Variants in LRRK2 observed in about 807,000 individuals in gnomAD.
LRRK2 encodes the protein leucine-rich repeat serine/threonine-protein kinase 2.
In LRRK2, 203 loss-of-function variants were observed where a neutral mutation model predicts 302.6. That is an observed-to-expected ratio of 0.67 (90% confidence interval 0.60 to 0.75). The LOEUF is 0.75. Among genes scored for constraint, LRRK2 ranks in the 30% least tolerant of loss-of-function variants. LRRK2 has a pLI of 0.00. For synonymous variants in LRRK2, 1,066 were observed against 1,031.9 expected, an observed-to-expected ratio of 1.03 and a Z score of -0.63; for missense variants, 2,830 against 2,951.0, an observed-to-expected ratio of 0.96 and a Z score of 0.95.
At chr12:40,364,567 A>T (rs1946819527) in intron 48 of LRRK2, among the ~76,000 whole-genome samples, 1 of 151,312 alleles carries the variant, frequency 6.6e-6, no homozygotes, top group South Asian at 2.1e-4. Flanking sequence ...ACTGAATTAG[A>T]TAGCTTTGGT....
At chr12:40,236,594 C>A (rs540007967) in intron 4 of LRRK2, among the ~76,000 whole-genome samples, 16 of 152,128 alleles carry the variant, frequency 1.1e-4, no homozygotes, top group African/African-American at 3.6e-4. Context: ...TAGGGGAGGG[C>A]TTTTTAGGTT....
rs1592280003 is a variant in LRRK2 at position 40,317,517 on chromosome 12, G to C, written c.4827+2217G>C. Among the ~76,000 whole-genome samples, 5 of 152,184 alleles carry C rather than the reference G, an allele frequency of 3.3e-5. No individual in the cohort carries two copies. In the East Asian group the frequency reaches 9.7e-4, roughly 29 times the overall value. On this transcript the variant is annotated intron_variant, in intron 33 of 50. Transcript: ENST00000298910. ...CCACCCACTCTATGCGCCCCGAGCT[G>C]TTAGGTCACTAAACTTATTAAAAAA...
In LRRK2 at chr12:40,351,690, A is replaced by G; in HGVS notation, c.6533A>G (p.Gln2178Arg). ...GGCTGTGGGCACACCGACAGAGGAC[A>G]GCTCTCATTTCTTGACTTAAATACT... ...WLGCGHTDRG[Q>R]LSFLDLNTEG... Residue 2178 changes from glutamine (Q) to arginine (R), a missense_variant, in exon 44 of 51, where the codon CAG becomes CGG. Physicochemically the swap from Gln to Arg is conservative, Grantham distance 43 (BLOSUM62 1). Coordinates refer to ENST00000298910, the MANE Select transcript of LRRK2 (RefSeq NM_198578.4). 6.2e-7 allele frequency: 1 copy of G among 1,614,256 alleles called. No individual in the cohort carries two copies. The highest frequency in any genetic ancestry group is 8.5e-7 in the Non-Finnish European group (1 of 1,180,044).
rs1944724344 is a variant in LRRK2 at position 40,304,127 on chromosome 12, T to C, written c.3770T>C (p.Leu1257Pro). The stretch of plus-strand genomic sequence containing the variant: ...AAACTGCATCTTTCTCACAATAAAC[T>C]GAAAGAGGTAAGACGATTATTGCCA... ...VEKLHLSHNK[L>P]KEIPPEIGCL... The change falls in exon 27 of 51, where the codon CTG becomes CCG. Residue 1257 changes from leucine (L) to proline (P), a missense_variant. Physicochemically the swap from Leu to Pro is moderately conservative, Grantham distance 98. Around this residue, in one of 3 missense-constraint regions of LRRK2, gnomAD observed 2,121 missense variants for 2,148.0 expected, o/e 0.99. Coordinates refer to ENST00000298910, the MANE Select transcript of LRRK2 (RefSeq NM_198578.4). 6.2e-7 allele frequency: 1 copy of C among 1,612,626 alleles called. No individual in the cohort carries two copies. The highest frequency in any genetic ancestry group is 1.3e-5 in the African/African-American group (1 of 74,976).
At chr12:40,278,591 A>G (rs1056370531) in intron 18 of LRRK2, among the ~76,000 whole-genome samples, 34 of 152,256 alleles carry the variant, frequency 2.2e-4, no homozygotes, top group Non-Finnish European at 4.6e-4. Flanking sequence ...TGTTTTGATA[A>G]TTTTTTAACC....
intron 39 of LRRK2, among the ~76,000 whole-genome samples, chr12:40,331,927 G>T (rs539396451): frequency 1.3e-5 from 2 of 152,248 alleles, no homozygotes; most frequent in Admixed American, 6.5e-5. Context: ...TTTTCCCATT[G>T]TGATAAACTG....
At chr12:40,341,837 G>C (rs1946053458) in intron 41 of LRRK2, among the ~76,000 whole-genome samples, 1 of 152,152 alleles carries the variant, frequency 6.6e-6, no homozygotes, top group Non-Finnish European at 1.5e-5. Context: ...ACATGAAGAA[G>C]CTTATTTAAT....
At chr12:40,327,454 C>T (rs907686397) in intron 38 of LRRK2, among the ~76,000 whole-genome samples, 5 of 152,076 alleles carry the variant, frequency 3.3e-5, no homozygotes, top group African/African-American at 1.2e-4. Context: ...TTAAAAAGCT[C>T]CTCAGATGTA....
chr12:40,348,589 TAC>T, intron 43 of LRRK2, 80 bp downstream of exon 43: 1 of 876,968 alleles, frequency 1.1e-6, no homozygotes, highest in Admixed American at 2.1e-5. Context: ...CAAATATATA[TAC>T]TTAAACACAT....
chr12:40,324,163 C>T (rs1269694872), intron 38 of LRRK2, among the ~76,000 whole-genome samples: 1 of 152,100 alleles, frequency 6.6e-6, no homozygotes, highest in Non-Finnish European at 1.5e-5. Flanking sequence ...AATGTCTTTA[C>T]AAGACCTGCG....
At chr12:40,332,089 T>A (rs1945728845) in intron 39 of LRRK2, among the ~76,000 whole-genome samples, 1 of 152,226 alleles carries the variant, frequency 6.6e-6, no homozygotes, top group Non-Finnish European at 1.5e-5. Flanking sequence ...TGTGCTTTTC[T>A]CAACAAGCAC....
At position 40,323,214 on chromosome 12, in the gene LRRK2, T is replaced by C; in HGVS notation, c.5564T>C (p.Ile1855Thr). Reference sequence around the variant, plus strand: ...AGGCTCACCATTCCAATATCTCAGATTGCCCCTGACTTGATTTTGGCTGAC... The same window carrying C: ...AGGCTCACCATTCCAATATCTCAGACTGCCCCTGACTTGATTTTGGCTGAC... ...QPRLTIPISQ[I>T]APDLILADLP... The change falls in exon 38 of 51, where the codon ATT (isoleucine) becomes ACT (threonine). Residue 1855 changes from isoleucine (I) to threonine (T), a missense_variant. By Grantham distance (89) the Ile-to-Thr change is moderately conservative. Coordinates refer to ENST00000298910, the MANE Select transcript of LRRK2 (RefSeq NM_198578.4). 6.2e-7 allele frequency: 1 copy of C among 1,613,272 alleles called. No homozygotes were observed. Among genetic ancestry groups the C allele is most frequent in the South Asian group, 1.1e-5 (1 of 91,038 alleles).
At chr12:40,269,649 G>A (rs1359558258) in intron 14 of LRRK2, among the ~76,000 whole-genome samples, 2 of 152,088 alleles carry the variant, frequency 1.3e-5, no homozygotes, top group Non-Finnish European at 2.9e-5. Context: ...AGACTAATCA[G>A]ATAAATTATA....
At chr12:40,267,134 T>TA (rs1030873735) in intron 14 of LRRK2, among the ~76,000 whole-genome samples, 7 of 151,400 alleles carry the variant, frequency 4.6e-5, no homozygotes, top group East Asian at 1.9e-4. Flanking sequence ...AAAGTATAAT[T>TA]AAAAAAAAAT....
At chr12:40,319,349 G>T (rs1043088674) in intron 33 of LRRK2, among the ~76,000 whole-genome samples, 2 of 151,966 alleles carry the variant, frequency 1.3e-5, no homozygotes, top group Non-Finnish European at 2.9e-5. Context: ...ATTTGAATCT[G>T]GGTTCTGACT....
intron 34 of LRRK2, among the ~76,000 whole-genome samples, chr12:40,320,593 C>T (rs10748033): frequency 0.57 from 86,027 of 151,668 alleles, 24,522 homozygotes; most frequent in South Asian, 0.7. Context: ...TATGTTTTAG[C>T]CTATACTATG....
At chr12:40,240,724 G>A in intron 6 of LRRK2, 107 bp downstream of exon 6, 1 of 1,079,898 alleles carries the variant, frequency 9.3e-7, no homozygotes, top group Non-Finnish European at 1.4e-6. Context: ...ACTTGTGGAT[G>A]CTCAACCCAT....
At position 40,266,751 on chromosome 12, in the gene LRRK2, C is replaced by G. The variant is rs549770473; in HGVS notation, c.1656+2850C>G. ...ACAATAGCAAAGACTTGGAACCAAC[C>G]CAAATGTCCAACAATGATAGACTGG... On this transcript the variant is annotated intron_variant, in intron 14 of 50. Coordinates refer to ENST00000298910, the MANE Select transcript of LRRK2 (RefSeq NM_198578.4). Among the ~76,000 whole-genome samples, 65 of 151,956 alleles carry G rather than the reference C, an allele frequency of 4.3e-4. No individual in the cohort carries two copies. The South Asian group carries it at 6.0e-3, about 14-fold the overall frequency.
chr12:40,235,560 A>G, intron 3 of LRRK2, 66 bp from the exon 4 acceptor site: 3 of 1,077,326 alleles, frequency 2.8e-6, no homozygotes, highest in Non-Finnish European at 4.3e-6. Context: ...AGCAAAAAAA[A>G]TGCAAATAAG....
Sources: gnomAD v4.1 joint callset for allele counts (sites outside exome capture counted in the v4.1 genomes callset) on GRCh38, gnomAD v4.1.1 for gene constraint, gnomAD v4.1.1 regional missense constraint, MANE v1.5 for transcripts, NCBI Gene and HGNC (gene_info 2026-07-23, HGNC 2026-07-21) for gene names.